GPD2: variants seen among roughly 807,000 people sequenced by gnomAD.
GPD2 encodes the protein glycerol-3-phosphate dehydrogenase, mitochondrial.
A neutral mutation model predicts 82.4 loss-of-function variants in GPD2; 54 were observed. The observed-to-expected ratio is 0.66, with a 90% CI of 0.53 to 0.82. The LOEUF is 0.82. Ranked by LOEUF, GPD2 falls within the 40% of genes least tolerant of loss-of-function variation. GPD2 has a pLI of 0.00. For missense variants in GPD2, 748 were observed against 896.2 expected (o/e 0.83, Z 2.11); for synonymous variants, 288 against 306.1 (o/e 0.94, Z 0.62).
intron 6 of GPD2, among the ~76,000 whole-genome samples, chr2:156,539,340 T>A (rs1686213601): frequency 6.6e-6 from 1 of 152,096 alleles, no homozygotes; most frequent in African/African-American, 2.4e-5. Context: ...AGAACCTGAG[T>A]TAGTGGCTGG....
chr2:156,415,447 C>T, the GPD2 span, among the ~76,000 whole-genome samples: 1 of 151,974 alleles, frequency 6.6e-6, no homozygotes, highest in Admixed American at 6.6e-5. Context: ...AATAAGACAC[C>T]GCGCGCAGCC....
intron 6 of GPD2, among the ~76,000 whole-genome samples, chr2:156,518,070 AT>A (rs1330602027): frequency 1.3e-5 from 2 of 152,242 alleles, no homozygotes; most frequent in African/African-American, 4.8e-5. Flanking sequence ...CCTAATGTAA[AT>A]AAAAGTTGGT....
chr2:156,560,505 G>A (rs1291652339), intron 9 of GPD2, among the ~76,000 whole-genome samples: 3 of 152,290 alleles, frequency 2.0e-5, no homozygotes, highest in African/African-American at 7.2e-5. Flanking sequence ...AGAAATGACA[G>A]CCCTTTCCTA....
intron 16 of GPD2, among the ~76,000 whole-genome samples, 185 bp from the exon 17 acceptor site, chr2:156,582,608 G>C (rs1429119899): frequency 6.6e-6 from 1 of 151,786 alleles, no homozygotes; most frequent in Admixed American, 6.6e-5. Flanking sequence ...TGAAATACCT[G>C]CCTCTTCCCC....
chr2:156,521,789 G>C (rs761492180), intron 6 of GPD2, among the ~76,000 whole-genome samples: 1 of 152,126 alleles, frequency 6.6e-6, no homozygotes, highest in Non-Finnish European at 1.5e-5. Context: ...CTTAGACATT[G>C]ATTTAAAACA....
the GPD2 span, among the ~76,000 whole-genome samples, chr2:156,429,573 C>A: frequency 6.6e-6 from 1 of 152,132 alleles, no homozygotes; most frequent in African/African-American, 2.4e-5. Flanking sequence ...TTTCTTGGTG[C>A]CACTTTATAT....
chr2:156,564,837 G>C (rs1687318955), intron 9 of GPD2, among the ~76,000 whole-genome samples: 1 of 152,004 alleles, frequency 6.6e-6, no homozygotes, highest in Non-Finnish European at 1.5e-5. Flanking sequence ...AGGCTAAAAA[G>C]CTGAATCCTA....
chr2:156,563,093 A>G (rs1034558326), intron 9 of GPD2, among the ~76,000 whole-genome samples: 11 of 152,300 alleles, frequency 7.2e-5, no homozygotes, highest in African/African-American at 2.6e-4. Flanking sequence ...TGTTCAATAT[A>G]TAGTCACTAG....
intron 1 of GPD2, among the ~76,000 whole-genome samples, chr2:156,446,531 A>G (rs79213268): frequency 0.016 from 2,382 of 151,806 alleles, 65 homozygotes; most frequent in African/African-American, 0.054. Context: ...AGAAGAGAAT[A>G]TGCATTTTTG....
chr2:156,426,089 A>C, the GPD2 span, among the ~76,000 whole-genome samples: 1 of 151,938 alleles, frequency 6.6e-6, no homozygotes. Flanking sequence ...ACGCCAGGCT[A>C]ATTTTTTGTA....
At chr2:156,456,332 G>A (rs1326009914) in intron 1 of GPD2, among the ~76,000 whole-genome samples, 5 of 152,098 alleles carry the variant, frequency 3.3e-5, no homozygotes, top group Admixed American at 6.5e-5. Context: ...GGCCAGGCGC[G>A]GTGGCTCACA....
intron 1 of GPD2, among the ~76,000 whole-genome samples, chr2:156,440,703 A>G (rs922546369): frequency 2.0e-5 from 3 of 152,224 alleles, no homozygotes; most frequent in African/African-American, 7.2e-5. Flanking sequence ...ATTTAGGTCA[A>G]GCTTCGGTTC....
At chr2:156,561,050 T>TTTTTTTTTTTC (rs1687153047) in intron 9 of GPD2, among the ~76,000 whole-genome samples, 1 of 122,518 alleles carries the variant, frequency 8.2e-6, no homozygotes, top group Non-Finnish European at 1.7e-5. Context: ...CTTTTTTTTT[T>TTTTTTTTTTTC]TTTTTTTTTT....
intron 6 of GPD2, among the ~76,000 whole-genome samples, chr2:156,522,659 T>C (rs761429608): frequency 1.1e-4 from 17 of 150,776 alleles, no homozygotes; most frequent in Non-Finnish European, 2.4e-4. Context: ...TTTACATTTG[T>C]GTAGCAGAGT....
rs180852003 is a variant in GPD2, at chr2:156,583,140, C to T, written c.*222C>T. The T allele has an allele frequency of 3.3e-4, 177 of 529,804 alleles. 1 individual carries two copies. Among genetic ancestry groups the T allele is most frequent in the Admixed American group, 2.7e-3 (87 of 31,946 alleles). The allele number at this position is 529,804 out of a possible 1,614,324, so 32.8% of individuals were successfully genotyped here. ...GTCTAGCTTTTAAGTATATTTTTTT[C>T]TTTTTCTCATTTTCAATGCACATTA... On this transcript the variant is annotated 3_prime_UTR_variant, in exon 17 of 17. Transcript: ENST00000438166.
chr2:156,458,170 G>T (rs1231024180), intron 1 of GPD2, among the ~76,000 whole-genome samples: 1 of 152,156 alleles, frequency 6.6e-6, no homozygotes, highest in African/African-American at 2.4e-5. Flanking sequence ...ATCACAGGGT[G>T]GGGAGAGAGA....
intron 6 of GPD2, among the ~76,000 whole-genome samples, chr2:156,534,568 A>G (rs561043174): frequency 7.8e-4 from 119 of 152,322 alleles, no homozygotes; most frequent in African/African-American, 2.6e-3. Context: ...ATTCTTCAAT[A>G]TTAGATTTAA....
At chr2:156,459,020 TATATATAC>T (rs1193476776) in intron 1 of GPD2, among the ~76,000 whole-genome samples, 2 of 151,634 alleles carry the variant, frequency 1.3e-5, no homozygotes, top group Non-Finnish European at 2.9e-5. Context: ...TATATATATA[TATATATAC>T]ACACACACAA....
intron 6 of GPD2, among the ~76,000 whole-genome samples, chr2:156,524,529 C>T (rs1685534851): frequency 6.6e-6 from 1 of 152,192 alleles, no homozygotes; most frequent in Non-Finnish European, 1.5e-5. Flanking sequence ...CATGGCTTCT[C>T]TGTATGGCTA....
Sources: gnomAD v4.1 joint callset for allele counts (sites outside exome capture counted in the v4.1 genomes callset) on GRCh38, gnomAD v4.1.1 for gene constraint, MANE v1.5 for transcripts, NCBI Gene and HGNC (gene_info 2026-07-23, HGNC 2026-07-21) for gene names.